Variants in GABPB2 observed in about 807,000 individuals in gnomAD.
GABPB2 encodes GA-binding protein subunit beta-2.
In GABPB2, 23 loss-of-function variants were observed where a neutral mutation model predicts 39.1. The ratio of observed to expected loss-of-function variants is 0.59; its 90% CI spans 0.42 to 0.83. The LOEUF is 0.83. GABPB2 is among the 40% of genes least tolerant of loss of function. The pLI is 0.00. For missense variants in GABPB2, 467 were observed against 541.1 expected (o/e 0.86, Z 1.36); for synonymous variants, 184 against 199.3 (o/e 0.92, Z 0.65).
chr1:151,090,273 T>C, intron 2 of GABPB2, 133 bp from the exon 3 acceptor site: 1 of 833,792 alleles, frequency 1.2e-6, no homozygotes, highest in African/African-American at 1.7e-5. Context: ...ATTTAAGCAT[T>C]TTTTCAGTTT....
intron 7 of GABPB2, among the ~76,000 whole-genome samples, chr1:151,113,196 C>T (rs1043743470): frequency 2.0e-5 from 3 of 151,700 alleles, no homozygotes; most frequent in East Asian, 3.9e-4. Context: ...TGGCCGGGTG[C>T]GGTGGCTCAC....
chr1:151,113,324 C>T (rs1323379568), intron 7 of GABPB2, among the ~76,000 whole-genome samples: 3 of 151,938 alleles, frequency 2.0e-5, no homozygotes, highest in Admixed American at 1.3e-4. Flanking sequence ...AAAAAATTAG[C>T]CAGGCCTGGT....
At position 151,115,826 on chromosome 1, in the gene GABPB2, G is replaced by A. The variant is rs944613018; in HGVS notation, c.923-1566G>A. ...TCACTTTTTAAAAAACTTTTAGCCC[G>A]GCACAGTGGCTCACACTTGTAATCC... is the stretch of plus-strand genomic sequence containing the variant. On this transcript the variant is annotated intron_variant, in intron 7 of 8. Transcript: ENST00000368918. Among the ~76,000 whole-genome samples the A allele has an allele frequency of 2.7e-4, 41 of 152,084 alleles. 1 individual carries two copies. The highest frequency in any genetic ancestry group is 3.9e-4 in the Admixed American group (6 of 15,262).
intron 5 of GABPB2, among the ~76,000 whole-genome samples, chr1:151,102,385 C>G (rs959727274): frequency 2.0e-5 from 3 of 152,018 alleles, no homozygotes; most frequent in Non-Finnish European, 4.4e-5. Flanking sequence ...TAACATTTAG[C>G]GTTTTTAGTG....
At position 151,107,212 on chromosome 1, in the gene GABPB2, T is replaced by C; in HGVS notation, c.912T>C (p.Asp304=). The C allele has an allele frequency of 6.3e-7, 1 of 1,582,082 alleles. No individual in the cohort carries two copies. Among genetic ancestry groups the C allele is most frequent in the Admixed American group, 1.9e-5 (1 of 53,306 alleles). The change falls in exon 7 of 9, where the codon GAT becomes GAC. Residue 304 remains aspartate (D), a synonymous_variant. Coordinates refer to ENST00000368918, the MANE Select transcript of GABPB2 (RefSeq NM_144618.3). ...AGCCATTTATTGTAACTGTGCAAGA[T>C]GGACAGCAAGGTGAGTTATCTCTTG... ...IGQPFIVTVQ[D]GQQVLTVPAG...
rs751892423 is a variant in GABPB2 at position 151,117,530 on chromosome 1, G to A, written c.1047+14G>A. On this transcript the variant is annotated intron_variant, in intron 8 of 8. Transcript: ENST00000368918. ...GAGGAAAGCAAGGTAATGTTTTTAGGAGTGATGAAAAGAATTTAAAGCCTT... is the reference window on the plus strand; with the variant it reads ...GAGGAAAGCAAGGTAATGTTTTTAGAAGTGATGAAAAGAATTTAAAGCCTT... The A allele has an allele frequency of 6.2e-7, 1 of 1,611,770 alleles. No homozygotes were observed. The highest frequency in any genetic ancestry group is 1.7e-5 in the Admixed American group (1 of 59,440).
At chr1:151,097,069 G>A (rs908380548) in intron 4 of GABPB2, among the ~76,000 whole-genome samples, 5 of 151,758 alleles carry the variant, frequency 3.3e-5, no homozygotes, top group Non-Finnish European at 7.4e-5. Flanking sequence ...CTGCCACCAC[G>A]CCCAGCTGAT....
intron 3 of GABPB2, among the ~76,000 whole-genome samples, 181 bp downstream of exon 3, chr1:151,090,754 G>A (rs1305388748): frequency 6.6e-6 from 1 of 151,958 alleles, no homozygotes; most frequent in Non-Finnish European, 1.5e-5. Context: ...AGCACTTTGG[G>A]AGGCCGAGAC....
rs142355560 is a variant in GABPB2 at position 151,117,086 on chromosome 1, C to T, written c.923-306C>T. 3.1e-3 allele frequency among the ~76,000 whole-genome samples: 476 copies of T among 152,258 alleles called. 6 individuals are homozygous for T. Among genetic ancestry groups the T allele is most frequent in the African/African-American group, 0.011 (447 of 41,552 alleles). ...ATCCTTTTTGTTTCTCCCTGAAGGG[C>T]CATGCCTTACCTGTTGATTCGAAAA... On this transcript the variant is annotated intron_variant, in intron 7 of 8. Coordinates refer to ENST00000368918, the MANE Select transcript of GABPB2 (RefSeq NM_144618.3).
rs1571919425 is a variant in GABPB2 at position 151,089,326 on chromosome 1, C to T, written c.108+1029C>T. On this transcript the variant is annotated intron_variant, in intron 2 of 8. Transcript: ENST00000368918. Reference sequence around the variant, plus strand: ...AAGAACAATGTGAATTAAATTCAGTCAGGCAGAGAGGCTAAATATATGAAA... The same window carrying T: ...AAGAACAATGTGAATTAAATTCAGTTAGGCAGAGAGGCTAAATATATGAAA... Among the ~76,000 whole-genome samples, 3 of 152,114 alleles carry T rather than the reference C, an allele frequency of 2.0e-5. No homozygotes were observed. The South Asian group carries it at 6.2e-4, about 31-fold the overall frequency.
At chr1:151,086,456 A>G in intron 1 of GABPB2, among the ~76,000 whole-genome samples, 1 of 152,208 alleles carries the variant, frequency 6.6e-6, no homozygotes, top group East Asian at 1.9e-4. Flanking sequence ...CTAAGGCACC[A>G]GCAGTTATAC....
chr1:151,105,356 G>T (rs190494288), intron 6 of GABPB2, among the ~76,000 whole-genome samples: 3 of 150,002 alleles, frequency 2.0e-5, no homozygotes, highest in Non-Finnish European at 4.4e-5. Flanking sequence ...GCACATAAGC[G>T]TTGGCTATTT....
chr1:151,107,859 C>T (rs1329562504), intron 7 of GABPB2, among the ~76,000 whole-genome samples: 2 of 151,738 alleles, frequency 1.3e-5, no homozygotes, highest in African/African-American at 4.8e-5. Flanking sequence ...CACTTGAGCC[C>T]AGGAGGTTGA....
intron 1 of GABPB2, among the ~76,000 whole-genome samples, chr1:151,076,790 T>C (rs1454121959): frequency 6.7e-6 from 1 of 148,424 alleles, no homozygotes; most frequent in Non-Finnish European, 1.5e-5. Flanking sequence ...TTAAACTTGG[T>C]CTGATTTTTT....
intron 5 of GABPB2, among the ~76,000 whole-genome samples, chr1:151,100,663 A>C (rs1679444262): frequency 8.2e-6 from 1 of 121,894 alleles, no homozygotes; most frequent in African/African-American, 3.2e-5. Flanking sequence ...ATCTTGGCTC[A>C]CCGCAAACTC....
chr1:151,085,171 G>A (rs889326400), intron 1 of GABPB2, among the ~76,000 whole-genome samples: 3 of 151,716 alleles, frequency 2.0e-5, no homozygotes, highest in Admixed American at 1.3e-4. Flanking sequence ...GCCGAGGCAG[G>A]CAGATCATCT....
At chr1:151,079,123 TTTAA>T (rs1334216609) in intron 1 of GABPB2, among the ~76,000 whole-genome samples, 1 of 152,150 alleles carries the variant, frequency 6.6e-6, no homozygotes, top group Non-Finnish European at 1.5e-5. Flanking sequence ...AATCCCAAAG[TTTAA>T]TTATATCTCT....
rs587628877 is a variant in GABPB2, at chr1:151,107,029, A to G, written c.737-8A>G. On this transcript the variant is annotated splice_region_variant and splice_polypyrimidine_tract_variant and intron_variant, in intron 6 of 8. Transcript: ENST00000368918. ...CTGAAATTTTAAATTTGCTTTTGTC[A>G]TCTCTAGCCAATACAGAGGAAATTA... 605 of 1,562,322 alleles carry G rather than the reference A, an allele frequency of 3.9e-4. 11 individuals are homozygous for G. In the South Asian group the frequency reaches 6.7e-3, roughly 17 times the overall value.
chr1:151,076,872 C>A (rs1677212658), intron 1 of GABPB2, among the ~76,000 whole-genome samples: 1 of 150,482 alleles, frequency 6.6e-6, no homozygotes, highest in Non-Finnish European at 1.5e-5. Flanking sequence ...CGGCTCACTG[C>A]AAGCTCCACC....
Sources: allele counts gnomAD v4.1 joint callset (sites outside exome capture counted in the v4.1 genomes callset), GRCh38; gene constraint gnomAD v4.1.1; transcripts MANE v1.5; gene names NCBI Gene and HGNC (gene_info 2026-07-23, HGNC 2026-07-21).